Variants in TOP6BL observed in about 807,000 individuals in gnomAD.
TOP6BL encodes the protein TOP6B like initiator of meiotic double strand breaks.
the TOP6BL span, chr11:66,761,810 G>C: frequency 2.4e-6 from 2 of 821,988 alleles, no homozygotes; most frequent in Non-Finnish European, 4.3e-6. Context: ...TTCCCTGATA[G>C]AGAAGATGTC....
chr11:66,770,154 G>A, the TOP6BL span, among the ~76,000 whole-genome samples: 1 of 152,138 alleles, frequency 6.6e-6, no homozygotes, highest in African/African-American at 2.4e-5. Flanking sequence ...ACAATGAGAA[G>A]GCAGCTATCT....
the TOP6BL span, chr11:66,842,791 A>G: frequency 6.8e-7 from 1 of 1,469,456 alleles, no homozygotes; most frequent in Non-Finnish European, 9.1e-7. Flanking sequence ...CCCTTGGCCA[A>G]GGGTGCTCCT....
At chr11:66,829,912 A>T in the TOP6BL span, among the ~76,000 whole-genome samples, 2 of 152,150 alleles carry the variant, frequency 1.3e-5, no homozygotes, top group East Asian at 1.9e-4. Flanking sequence ...AATAAATAAT[A>T]AATAAACAAA....
chr11:66,765,184 TAG>T, the TOP6BL span, among the ~76,000 whole-genome samples: 2 of 152,362 alleles, frequency 1.3e-5, no homozygotes, highest in East Asian at 3.9e-4. Context: ...TTGTTACTCT[TAG>T]GGAGTATCAT....
the TOP6BL span, among the ~76,000 whole-genome samples, chr11:66,779,927 G>A: frequency 2.0e-5 from 3 of 149,236 alleles, no homozygotes; most frequent in Non-Finnish European, 4.4e-5. Flanking sequence ...ACCAAACACC[G>A]CATGTTCTCA....
the TOP6BL span, among the ~76,000 whole-genome samples, chr11:66,826,490 T>G: frequency 4.6e-5 from 7 of 152,334 alleles, no homozygotes; most frequent in Non-Finnish European, 1.0e-4. Flanking sequence ...AATGGAGTTA[T>G]GAGTCAAAGT....
the TOP6BL span, among the ~76,000 whole-genome samples, chr11:66,803,624 C>T: frequency 1.8e-4 from 28 of 152,064 alleles, no homozygotes; most frequent in Non-Finnish European, 2.5e-4. Context: ...GGAGTTTCAC[C>T]ATGTTGGCCA....
chr11:66,747,921 C>G, the TOP6BL span, among the ~76,000 whole-genome samples: 1 of 152,118 alleles, frequency 6.6e-6, no homozygotes. Flanking sequence ...CGCAGGGCAG[C>G]ATTAGCACTC....
the TOP6BL span, among the ~76,000 whole-genome samples, chr11:66,746,694 A>G: frequency 1.1e-4 from 17 of 151,574 alleles, no homozygotes; most frequent in South Asian, 2.1e-4. Context: ...AGCCTGGGCT[A>G]CAAGAGCAAA....
chr11:66,747,524 A>G, the TOP6BL span, among the ~76,000 whole-genome samples: 15 of 146,618 alleles, frequency 1.0e-4, no homozygotes, highest in South Asian at 2.1e-4. Flanking sequence ...CACGTACCTT[A>G]TTTGTTTACT....
chr11:66,748,796 A>G, the TOP6BL span, among the ~76,000 whole-genome samples: 1 of 151,390 alleles, frequency 6.6e-6, no homozygotes, highest in African/African-American at 2.4e-5. Flanking sequence ...ATTTTAATCT[A>G]CTTTGTCACA....
At chr11:66,794,850 G>A in the TOP6BL span, among the ~76,000 whole-genome samples, 1 of 152,078 alleles carries the variant, frequency 6.6e-6, no homozygotes, top group Non-Finnish European at 1.5e-5. Context: ...TACAAAGAAG[G>A]GGCCAGGCGC....
chr11:66,764,100 A>G, the TOP6BL span, among the ~76,000 whole-genome samples: 6 of 152,278 alleles, frequency 3.9e-5, 1 homozygote, highest in Admixed American at 3.9e-4. Flanking sequence ...TACCTTAATT[A>G]TTCTATTGCC....
chr11:66,842,731 G>C, the TOP6BL span: 2 of 1,051,842 alleles, frequency 1.9e-6, no homozygotes, highest in Non-Finnish European at 2.7e-6. Flanking sequence ...GGGACCTGCT[G>C]ACAGGGATGC....
the TOP6BL span, among the ~76,000 whole-genome samples, chr11:66,803,368 G>T: frequency 3.3e-5 from 5 of 152,238 alleles, no homozygotes; most frequent in South Asian, 1.0e-3. Context: ...GATTGCTTGA[G>T]GCCAGGAGTT....
At chr11:66,802,182 C>T in the TOP6BL span, among the ~76,000 whole-genome samples, 7 of 150,786 alleles carry the variant, frequency 4.6e-5, no homozygotes, top group East Asian at 1.2e-3. Context: ...TTTTTTGAGA[C>T]GGAGTCTCGC....
chr11:66,825,312 C>G, the TOP6BL span, among the ~76,000 whole-genome samples: 1 of 148,464 alleles, frequency 6.7e-6, no homozygotes, highest in Non-Finnish European at 1.5e-5. Flanking sequence ...AACTCTGTCA[C>G]TACTAAAAAA....
At chr11:66,766,285 T>A in the TOP6BL span, among the ~76,000 whole-genome samples, 3 of 152,194 alleles carry the variant, frequency 2.0e-5, no homozygotes, top group African/African-American at 7.2e-5. Context: ...ATCAAGGTAC[T>A]TTTTTCTCTG....
At chr11:66,744,770 T>TGGACTCGGGCGTGGGCAC in the TOP6BL span, 6 of 1,219,172 alleles carry the variant, frequency 4.9e-6, no homozygotes, top group Admixed American at 8.6e-5. Flanking sequence ...GGCGTGGGCG[T>TGGACTCGGGCGTGGGCAC]GGACTCGGGC....
Sources: allele counts gnomAD v4.1 joint callset (sites outside exome capture counted in the v4.1 genomes callset), GRCh38; gene constraint gnomAD v4.1.1; transcripts MANE v1.5; gene names NCBI Gene and HGNC (gene_info 2026-07-23, HGNC 2026-07-21).